Variants in RNF150 observed in about 807,000 individuals in gnomAD.
RNF150 encodes the protein ring finger protein 150.
RNF150 carries 24 observed loss-of-function variants against 39.3 expected under a neutral mutation model. That is an observed-to-expected ratio of 0.61 (90% confidence interval 0.44 to 0.86). The LOEUF is 0.86. Among genes scored for constraint, RNF150 ranks in the 40% least tolerant of loss-of-function variants. The pLI is 0.00. For missense variants in RNF150, 502 were observed against 587.8 expected (o/e 0.85, Z 1.51); for synonymous variants, 255 against 227.3 (o/e 1.12, Z -1.10).
intron 6 of RNF150, 31 bp from the exon 7 acceptor site, chr4:140,868,410 C>A (rs753194734): frequency 2.5e-6 from 3 of 1,184,172 alleles, no homozygotes; most frequent in African/African-American, 3.0e-5. Context: ...TCACAGTGAA[C>A]ACCGAGCTAT....
chr4:140,918,802 C>A (rs1436116484), intron 5 of RNF150, among the ~76,000 whole-genome samples: 1 of 152,046 alleles, frequency 6.6e-6, no homozygotes, highest in Non-Finnish European at 1.5e-5. Context: ...TACTGGCAAA[C>A]CAAATCCAGC....
intron 4 of RNF150, among the ~76,000 whole-genome samples, chr4:140,932,464 A>AGCTAGTC (rs1433629593): frequency 6.6e-6 from 1 of 152,166 alleles, no homozygotes; most frequent in Non-Finnish European, 1.5e-5. Context: ...TTATCTGAAG[A>AGCTAGTC]GCTAGTCAGC....
At chr4:141,127,834 C>T (rs1726791002) in intron 1 of RNF150, among the ~76,000 whole-genome samples, 1 of 152,148 alleles carries the variant, frequency 6.6e-6, no homozygotes, top group Admixed American at 6.5e-5. Context: ...ATCAAACACA[C>T]TCTTTAAAAA....
rs560139085 is a variant in RNF150 at position 141,076,858 on chromosome 4, C to T, written c.484+55467G>A. Among the ~76,000 whole-genome samples, 55 of 152,108 alleles carry T rather than the reference C, an allele frequency of 3.6e-4. 2 individuals carry two copies. In the South Asian group the frequency reaches 0.011, roughly 32 times the overall value. On this transcript the variant is annotated intron_variant, in intron 1 of 6. Transcript: ENST00000515673. ...TTAAAATATTTAATATATTCCTATG[C>T]TAGTGAAGGGCAGTTTCTCGCATGG... is the stretch of plus-strand genomic sequence containing the variant.
At chr4:140,974,929 C>T (rs1402960736) in intron 1 of RNF150, among the ~76,000 whole-genome samples, 1 of 152,002 alleles carries the variant, frequency 6.6e-6, no homozygotes, top group Non-Finnish European at 1.5e-5. Context: ...ATATAATTGG[C>T]CCTTTGATCT....
At chr4:141,177,053 GGAA>G (rs1413825291) in intron 1 of RNF150, among the ~76,000 whole-genome samples, 9 of 20,852 alleles carry the variant, frequency 4.3e-4, no homozygotes, top group African/African-American at 1.2e-3. Context: ...CTGTCTCCTA[GGAA>G]AAAAAAAAAA....
intron 1 of RNF150, among the ~76,000 whole-genome samples, chr4:140,988,922 A>G (rs1734102693): frequency 6.6e-6 from 1 of 152,186 alleles, no homozygotes; most frequent in Non-Finnish European, 1.5e-5. Context: ...CAAACACTGC[A>G]TGTTCTCACT....
At chr4:140,932,911 T>TA (rs1731707928) in intron 4 of RNF150, among the ~76,000 whole-genome samples, 1 of 152,248 alleles carries the variant, frequency 6.6e-6, no homozygotes, top group South Asian at 2.1e-4. Context: ...CATGAGTAGA[T>TA]ACCCTCTGCT....
intron 1 of RNF150, among the ~76,000 whole-genome samples, chr4:141,039,844 GC>G (rs1374214669): frequency 4.6e-5 from 7 of 152,102 alleles, no homozygotes; most frequent in Non-Finnish European, 1.0e-4. Flanking sequence ...TCCTCTGAAT[GC>G]TAAAATTCAG....
chr4:140,970,399 C>T (rs1037844892), intron 1 of RNF150, among the ~76,000 whole-genome samples: 44 of 152,092 alleles, frequency 2.9e-4, no homozygotes, highest in Non-Finnish European at 4.1e-4. Flanking sequence ...GAACCTGTAA[C>T]AGGCTGTTTT....
intron 1 of RNF150, among the ~76,000 whole-genome samples, chr4:141,166,247 C>T (rs561801950): frequency 2.4e-4 from 37 of 152,208 alleles, no homozygotes; most frequent in Admixed American, 7.2e-4. Flanking sequence ...AAGACTAAAC[C>T]AGGGAGAAGT....
chr4:141,118,750 T>C (rs1017041963), intron 1 of RNF150, among the ~76,000 whole-genome samples: 1 of 152,094 alleles, frequency 6.6e-6, no homozygotes, highest in African/African-American at 2.4e-5. Flanking sequence ...TTCTGTTTGT[T>C]TGATTGAGTG....
chr4:141,162,987 G>A (rs1727540847), intron 1 of RNF150, among the ~76,000 whole-genome samples: 1 of 152,236 alleles, frequency 6.6e-6, no homozygotes, highest in African/African-American at 2.4e-5. Context: ...GCTGAAGCCA[G>A]GGAGCCAACG....
intron 1 of RNF150, among the ~76,000 whole-genome samples, chr4:140,985,424 A>AT (rs952751874): frequency 9.2e-5 from 14 of 152,096 alleles, no homozygotes; most frequent in African/African-American, 3.1e-4. Flanking sequence ...AGAGAATGAT[A>AT]TTTTTTGGGT....
At chr4:141,090,917 T>C (rs1738556892) in intron 1 of RNF150, among the ~76,000 whole-genome samples, 1 of 152,244 alleles carries the variant, frequency 6.6e-6, no homozygotes, top group Non-Finnish European at 1.5e-5. Flanking sequence ...CTACAGATAC[T>C]ATAAGAAGCC....
chr4:140,884,997 AT>A (rs1250326267), intron 6 of RNF150, among the ~76,000 whole-genome samples: 2 of 151,830 alleles, frequency 1.3e-5, no homozygotes, highest in Non-Finnish European at 2.9e-5. Flanking sequence ...TGTTTCTGTT[AT>A]TTCTTCCAAA....
At position 140,865,722 on chromosome 4, in the gene RNF150, C is replaced by A. The variant is rs944954437; in HGVS notation, c.*2539G>T. ...AGACCCCTCATCGTCTATGAGGCAT[C>A]CTGTAAGTGCAGCTGTGGCCAGGGC... On this transcript the variant is annotated 3_prime_UTR_variant, in exon 7 of 7. Coordinates refer to ENST00000515673, the MANE Select transcript of RNF150 (RefSeq NM_020724.2). The A allele has an allele frequency of 5.9e-5, 9 of 152,504 alleles. No individual in the cohort carries two copies. Among genetic ancestry groups the A allele is most frequent in the African/African-American group, 2.2e-4 (9 of 41,414 alleles). The allele number at this position is 152,504 out of a possible 1,614,324, so 9.4% of individuals were successfully genotyped here.
intron 1 of RNF150, among the ~76,000 whole-genome samples, chr4:140,998,049 G>T (rs145023045): frequency 6.6e-5 from 10 of 152,274 alleles, no homozygotes; most frequent in African/African-American, 2.4e-4. Flanking sequence ...TTTGCACACT[G>T]ACTTCAATTT....
chr4:141,092,703 T>A (rs902473951), intron 1 of RNF150, among the ~76,000 whole-genome samples: 1 of 151,998 alleles, frequency 6.6e-6, no homozygotes, highest in African/African-American at 2.4e-5. Flanking sequence ...CCAAATCCCA[T>A]CTTCTTTCCA....
Sources: gnomAD v4.1 joint callset for allele counts (sites outside exome capture counted in the v4.1 genomes callset) on GRCh38, gnomAD v4.1.1 for gene constraint, MANE v1.5 for transcripts, NCBI Gene and HGNC (gene_info 2026-07-23, HGNC 2026-07-21) for gene names.